SUN1: variants seen among roughly 807,000 people sequenced by gnomAD.
The protein encoded by SUN1 is SUN domain-containing protein 1.
Under a neutral mutation model 103.2 loss-of-function variants are expected in SUN1, and 61 were observed. The ratio of observed to expected loss-of-function variants is 0.59; its 90% CI spans 0.48 to 0.73. The LOEUF is 0.73. Ranked by LOEUF, SUN1 falls within the 30% of genes least tolerant of loss-of-function variation. SUN1 has a pLI of 0.00. For missense variants in SUN1, 1,052 were observed against 1,034.6 expected (o/e 1.02, Z -0.23); for synonymous variants, 490 against 425.7 (o/e 1.15, Z -1.86).
intron 5 of SUN1, among the ~76,000 whole-genome samples, chr7:844,969 G>C (rs1021248026): frequency 6.6e-6 from 1 of 152,222 alleles, no homozygotes; most frequent in African/African-American, 2.4e-5. Context: ...AGGATTCCGT[G>C]TATTCAGTGT....
At chr7:871,094 T>C (rs1237248765) in intron 17 of SUN1, among the ~76,000 whole-genome samples, 1 of 151,970 alleles carries the variant, frequency 6.6e-6, no homozygotes, top group Non-Finnish European at 1.5e-5. Context: ...TTTCTCCTTG[T>C]TGCTCTGGCT....
intron 3 of SUN1, 119 bp from the exon 4 acceptor site, chr7:843,087 T>A: frequency 7.1e-7 from 1 of 1,410,614 alleles, no homozygotes. Flanking sequence ...CTGTGACCAG[T>A]GCCATAATGC....
chr7:838,956 G>A lies in SUN1; in HGVS notation c.236G>A (p.Ser79Asn). 6.2e-7 allele frequency: 1 copy of A among 1,604,558 alleles called. No homozygotes were observed. Among genetic ancestry groups the A allele is most frequent in the South Asian group, 1.1e-5 (1 of 88,924 alleles). ...GTGGGTGCCGACAGCGGCACCAGCA[G>A]CGCTGTCTCCCTGAAGAACCGAGCG... ...EAVGADSGTS[S>N]AVSLKNRAAR... Residue 79 changes from serine to asparagine, a missense_variant, in exon 2 of 19, where the codon AGC becomes AAC. This residue lies in a region of SUN1 where 846 missense variants were observed against 774.5 expected (regional missense o/e 1.09). Coordinates refer to ENST00000401592, the MANE Select transcript of SUN1 (RefSeq NM_001130965.3).
intron 17 of SUN1, among the ~76,000 whole-genome samples, chr7:870,701 C>T (rs1424173306): frequency 6.6e-6 from 1 of 152,098 alleles, no homozygotes; most frequent in Admixed American, 6.6e-5. Flanking sequence ...CTGGCCGCTT[C>T]TCCTCTCACT....
At chr7:860,095 T>C in intron 13 of SUN1, 33 bp from the exon 14 acceptor site, 1 of 1,608,328 alleles carries the variant, frequency 6.2e-7, no homozygotes, top group Non-Finnish European at 8.5e-7. Flanking sequence ...TTAGTTAAAA[T>C]AGGACATTTG....
chr7:838,690 C>T, intron 1 of SUN1, 108 bp from the exon 2 acceptor site: 2 of 1,152,708 alleles, frequency 1.7e-6, no homozygotes, highest in Middle Eastern at 2.0e-4. Context: ...GTAATAGTTG[C>T]TCTTGAAAAT....
At chr7:873,163 TG>T in intron 18 of SUN1, 51 bp from the exon 19 acceptor site, 1 of 1,520,666 alleles carries the variant, frequency 6.6e-7, no homozygotes. Flanking sequence ...TGATTGGACT[TG>T]GGGTTATTAA....
At chr7:827,891 T>C (rs528824707), upstream of SUN1, among the ~76,000 whole-genome samples, 2 of 152,238 alleles carry the variant, frequency 1.3e-5, no homozygotes, top group South Asian at 4.1e-4. Context: ...CTAGTATAAC[T>C]TACGTAGTTT....
chr7:864,865 G>A (rs1585182744), intron 15 of SUN1, among the ~76,000 whole-genome samples: 1 of 152,042 alleles, frequency 6.6e-6, no homozygotes, highest in Non-Finnish European at 1.5e-5. Flanking sequence ...CTGACCTCAG[G>A]TGATCCACCC....
Position 839,558 on chromosome 7 carries a change from C to T in SUN1, c.266+572C>T, listed in dbSNP as rs1420337014. Among the ~76,000 whole-genome samples, 2 of 44,644 alleles carry T rather than the reference C, an allele frequency of 4.5e-5. 1 individual carries two copies. The highest frequency in any genetic ancestry group is 4.7e-4 in the Admixed American group (2 of 4,250). 29.3% of individuals were successfully genotyped at this position (44,644 alleles called of 152,430 possible). The stretch of plus-strand genomic sequence containing the variant: ...CCGCCACCACGCCTGGCAAATTTTC[C>T]TTTTTTTTTGAGACAGAGTCTCACT... On this transcript the variant is annotated intron_variant, in intron 2 of 18. Coordinates refer to ENST00000401592, the MANE Select transcript of SUN1 (RefSeq NM_001130965.3).
At chr7:870,835 G>A (rs1211121701) in intron 17 of SUN1, among the ~76,000 whole-genome samples, 1 of 150,910 alleles carries the variant, frequency 6.6e-6, no homozygotes, top group Non-Finnish European at 1.5e-5. Flanking sequence ...GCAGCATGTT[G>A]TACGGCCGAG....
rs1010819464 is a variant in SUN1 at position 873,986 on chromosome 7, G to T, written c.*655G>T. 6.6e-6 allele frequency: 1 copy of T among 152,296 alleles called. No homozygotes were observed. The highest frequency in any genetic ancestry group is 1.5e-5 in the Non-Finnish European group (1 of 68,064). The allele number at this position is 152,296 out of a possible 1,614,324, so 9.4% of individuals were successfully genotyped here. A position where few individuals can be genotyped will look rare whatever the true frequency, so the allele number is the denominator to read the frequency against. On this transcript the variant is annotated 3_prime_UTR_variant, in exon 19 of 19. Transcript: ENST00000401592. ...GAGCGTTTCGCTCTCCTTGTAGGCT[G>T]AAGTCAGTCTGACTTGAAGGGGCCT...
intron 1 of SUN1, among the ~76,000 whole-genome samples, chr7:820,550 T>A (rs1784971866): frequency 6.6e-6 from 1 of 152,206 alleles, no homozygotes. Context: ...TCCTTTCCAA[T>A]TAGTATGCCT....
chr7:853,047 TC>T (rs2128397737), intron 9 of SUN1, 95 bp downstream of exon 9: 1 of 1,460,130 alleles, frequency 6.8e-7, no homozygotes, highest in South Asian at 1.4e-5. Flanking sequence ...CAGTTGGGTG[TC>T]CTGTTGTAAG....
intron 17 of SUN1, among the ~76,000 whole-genome samples, chr7:872,150 C>T (rs1301936641): frequency 6.6e-6 from 1 of 152,218 alleles, no homozygotes; most frequent in Non-Finnish European, 1.5e-5. Flanking sequence ...AGGGCAGCAG[C>T]TGAGCATGGT....
chr7:851,296 T>C, intron 5 of SUN1, 88 bp from the exon 6 acceptor site: 1 of 1,129,808 alleles, frequency 8.9e-7, no homozygotes, highest in African/African-American at 1.5e-5. Context: ...TTTGGTGAAG[T>C]GTGTGGCTTG....
chr7:873,435 C>G lies in SUN1; in HGVS notation c.*104C>G. On this transcript the variant is annotated 3_prime_UTR_variant, in exon 19 of 19. Coordinates refer to ENST00000401592, the MANE Select transcript of SUN1 (RefSeq NM_001130965.3). ...CATATACAATGATGGGACAGTGCCACACTCCTTCAATAAACGTGGCTGCTG... is the reference window on the plus strand; with the variant it reads ...CATATACAATGATGGGACAGTGCCAGACTCCTTCAATAAACGTGGCTGCTG... 9.1e-7 allele frequency: 1 copy of G among 1,103,570 alleles called. No homozygotes were observed. The highest frequency in any genetic ancestry group is 1.3e-6 in the Non-Finnish European group (1 of 748,694). 68.4% of individuals were successfully genotyped at this position (1,103,570 alleles called of 1,614,324 possible).
chr7:847,466 CCGGGG>C (rs1817243672), intron 5 of SUN1, among the ~76,000 whole-genome samples: 2 of 116,926 alleles, frequency 1.7e-5, no homozygotes, highest in Admixed American at 8.2e-5. Flanking sequence ...AGTCCAGTCT[CCGGGG>C]TCCCCTGGGG....
At chr7:839,931 T>C (rs549007498) in intron 2 of SUN1, among the ~76,000 whole-genome samples, 2 of 152,382 alleles carry the variant, frequency 1.3e-5, no homozygotes, top group Admixed American at 6.5e-5. Flanking sequence ...TTTACCTATA[T>C]TTGCGTTCGT....
Sources: allele counts gnomAD v4.1 joint callset (sites outside exome capture counted in the v4.1 genomes callset), GRCh38; gene constraint gnomAD v4.1.1; regional missense constraint gnomAD v4.1.1; transcripts MANE v1.5; gene names NCBI Gene and HGNC (gene_info 2026-07-23, HGNC 2026-07-21).